PRKCE: variants seen among roughly 807,000 people sequenced by gnomAD.
The protein encoded by PRKCE is protein kinase C epsilon type.
Under a neutral mutation model 85.4 loss-of-function variants are expected in PRKCE, and 16 were observed. That is an observed-to-expected ratio of 0.19 (90% confidence interval 0.13 to 0.28). The LOEUF (loss-of-function observed/expected upper bound fraction) is 0.28, where lower values mean the gene tolerates loss of function less well. Among genes scored for constraint, PRKCE ranks in the 10% least tolerant of loss-of-function variants. The probability of loss-of-function intolerance (pLI) is 1.00; values close to 1 mark genes in which losing one functional copy is unlikely to be tolerated. For synonymous variants in PRKCE, 388 were observed against 371.5 expected (o/e 1.04, Z -0.51); for missense variants, 573 against 975.2 (o/e 0.59, Z 5.49).
intron 10 of PRKCE, among the ~76,000 whole-genome samples, chr2:46,074,578 C>T (rs549909733): frequency 3.0e-4 from 46 of 152,286 alleles, no homozygotes; most frequent in Non-Finnish European, 5.1e-4. Context: ...AGTACTTGAG[C>T]CTCCTGGAAA....
intron 2 of PRKCE, among the ~76,000 whole-genome samples, chr2:45,892,237 C>A (rs748297872): frequency 5.3e-5 from 8 of 152,188 alleles, no homozygotes; most frequent in Non-Finnish European, 1.2e-4. Flanking sequence ...TTTTTGAGCT[C>A]CCATGGCCCA....
chr2:45,902,178 A>C (rs1328052073), intron 2 of PRKCE, among the ~76,000 whole-genome samples: 1 of 152,164 alleles, frequency 6.6e-6, no homozygotes, highest in Admixed American at 6.5e-5. Context: ...GTGTAGCAAT[A>C]TGGGCCCAGA....
At position 45,774,001 on chromosome 2, in the gene PRKCE, G is replaced by C. The variant is rs1685554963; in HGVS notation, c.349-68999G>C. On this transcript the variant is annotated intron_variant, in intron 1 of 14. Transcript: ENST00000306156. The surrounding 1 kb of genome is among the most constrained non-coding windows in gnomAD (Gnocchi z 4.3). ...CTGCTGTCATCCCGTGGCTGCTGCT[G>C]TCTGCCACATCAGGTTAGAAGTAGA... 6.6e-6 allele frequency among the ~76,000 whole-genome samples: 1 copy of C among 152,194 alleles called. No homozygotes were observed. Among genetic ancestry groups the C allele is most frequent in the Non-Finnish European group, 1.5e-5 (1 of 68,028 alleles).
intron 11 of PRKCE, among the ~76,000 whole-genome samples, chr2:46,125,036 TG>T (rs1284480366): frequency 6.6e-6 from 1 of 152,246 alleles, no homozygotes; most frequent in African/African-American, 2.4e-5. Context: ...AGCCACTGAT[TG>T]CCCAGTACTT....
chr2:46,056,912 C>A (rs781015463), intron 10 of PRKCE, among the ~76,000 whole-genome samples: 1 of 152,194 alleles, frequency 6.6e-6, no homozygotes, highest in Admixed American at 6.5e-5. Flanking sequence ...ATCACTATTG[C>A]TACAAAAGAA....
chr2:45,915,114 C>T (rs777527044), intron 2 of PRKCE, among the ~76,000 whole-genome samples: 1 of 152,162 alleles, frequency 6.6e-6, no homozygotes, highest in African/African-American at 2.4e-5. Flanking sequence ...GTCTCGAACT[C>T]CTTACCTCAG....
At chr2:45,965,173 G>C (rs1701652544) in intron 2 of PRKCE, among the ~76,000 whole-genome samples, 1 of 152,202 alleles carries the variant, frequency 6.6e-6, no homozygotes, top group Admixed American at 6.5e-5. Flanking sequence ...ATTAGTTGCT[G>C]TTTCCTCTTT....
rs1193606869 is a variant in PRKCE at position 45,932,766 on chromosome 2, G to A, written c.413-43663G>A. 2.6e-5 allele frequency among the ~76,000 whole-genome samples: 4 copies of A among 151,914 alleles called. No homozygotes were observed. In the East Asian group the frequency reaches 5.8e-4, roughly 22 times the overall value. ...TTTCGTCTTTCCAAGTTGAAATTCCGTACCCACGAAACACTAACTCTCTAC... is the reference window on the plus strand; with the variant it reads ...TTTCGTCTTTCCAAGTTGAAATTCCATACCCACGAAACACTAACTCTCTAC... On this transcript the variant is annotated intron_variant, in intron 2 of 14. Coordinates refer to ENST00000306156, the MANE Select transcript of PRKCE (RefSeq NM_005400.3).
chr2:45,888,191 G>T (rs920987764), intron 2 of PRKCE, among the ~76,000 whole-genome samples: 2 of 152,188 alleles, frequency 1.3e-5, no homozygotes, highest in African/African-American at 4.8e-5. Flanking sequence ...AAAGGCGCTG[G>T]GTTTGTCCTC....
At chr2:45,714,114 C>T (rs1295890618) in intron 1 of PRKCE, among the ~76,000 whole-genome samples, 1 of 152,142 alleles carries the variant, frequency 6.6e-6, no homozygotes, top group African/African-American at 2.4e-5. Flanking sequence ...TCCAGTAGCC[C>T]CAAACACTGT....
At chr2:45,972,895 G>C (rs1702200740) in intron 2 of PRKCE, among the ~76,000 whole-genome samples, 1 of 152,060 alleles carries the variant, frequency 6.6e-6, no homozygotes, top group African/African-American at 2.4e-5. Flanking sequence ...AATAAAGACA[G>C]AAAAAACAAT....
chr2:45,865,061 A>G (rs1349699397), intron 2 of PRKCE, among the ~76,000 whole-genome samples: 2 of 152,190 alleles, frequency 1.3e-5, no homozygotes, highest in African/African-American at 2.4e-5. Context: ...GGACATCTCA[A>G]ACTTTATTGT....
At chr2:45,708,160 CT>C (rs1330866672) in intron 1 of PRKCE, among the ~76,000 whole-genome samples, 1 of 139,460 alleles carries the variant, frequency 7.2e-6, no homozygotes, top group Non-Finnish European at 1.5e-5. Flanking sequence ...TGCAGATTTC[CT>C]TTAATGTCTT....
At chr2:45,721,155 G>C (rs932868846) in intron 1 of PRKCE, among the ~76,000 whole-genome samples, 2 of 152,092 alleles carry the variant, frequency 1.3e-5, no homozygotes, top group African/African-American at 4.8e-5. Context: ...TGTCGGAAGA[G>C]CAGGTAATTG....
intron 9 of PRKCE, among the ~76,000 whole-genome samples, chr2:46,009,738 T>A (rs1308060851): frequency 6.6e-6 from 1 of 152,256 alleles, no homozygotes; most frequent in African/African-American, 2.4e-5. Flanking sequence ...TGATTAGATA[T>A]AACTGAAGTG....
intron 1 of PRKCE, among the ~76,000 whole-genome samples, chr2:45,818,265 TA>T (rs1268404128): frequency 2.0e-5 from 3 of 152,216 alleles, no homozygotes. Context: ...ACTGAAGATG[TA>T]AACAAAAAAT....
At chr2:45,764,827 C>G (rs1475396401) in intron 1 of PRKCE, among the ~76,000 whole-genome samples, 1 of 152,148 alleles carries the variant, frequency 6.6e-6, no homozygotes, top group South Asian at 2.1e-4. Context: ...ATATTTTAAA[C>G]CCATTAAAAT....
At chr2:45,969,978 T>A (rs2595206) in intron 2 of PRKCE, among the ~76,000 whole-genome samples, 31,233 of 152,202 alleles carry the variant, frequency 0.21, 4,430 homozygotes, top group East Asian at 0.56. Flanking sequence ...CATTTCTGTT[T>A]GTTGGCTAAT....
chr2:46,070,082 G>C (rs535016144), intron 10 of PRKCE, among the ~76,000 whole-genome samples: 1 of 152,316 alleles, frequency 6.6e-6, no homozygotes, highest in Admixed American at 6.5e-5. Flanking sequence ...GTGACGTCCA[G>C]ATGGTGGAGT....
Sources: gnomAD v4.1 joint callset for allele counts (sites outside exome capture counted in the v4.1 genomes callset) on GRCh38, gnomAD v4.1.1 for gene constraint, Gnocchi (gnomAD v3.1) non-coding constraint, MANE v1.5 for transcripts, NCBI Gene and HGNC (gene_info 2026-07-23, HGNC 2026-07-21) for gene names.